Variants in SLC16A7 observed in about 807,000 individuals in gnomAD.
SLC16A7 encodes solute carrier family 16 member 7.
Under a neutral mutation model 34.9 loss-of-function variants are expected in SLC16A7, and 33 were observed. The ratio of observed to expected loss-of-function variants is 0.94; its 90% CI spans 0.72 to 1.26. The LOEUF (loss-of-function observed/expected upper bound fraction) is 1.26. Among genes scored for constraint, SLC16A7 ranks in the 50% most tolerant of loss-of-function variants. The pLI, the probability that SLC16A7 is intolerant of heterozygous loss-of-function variation, is 0.00. For synonymous variants in SLC16A7, 201 were observed against 206.6 expected, an observed-to-expected ratio of 0.97 and a Z score of 0.23; for missense variants, 573 against 578.1, an observed-to-expected ratio of 0.99 and a Z score of 0.09.
intron 2 of SLC16A7, among the ~76,000 whole-genome samples, chr12:59,677,442 T>G (rs1870402321): frequency 6.6e-6 from 1 of 152,228 alleles, no homozygotes; most frequent in Non-Finnish European, 1.5e-5. Context: ...TTCTTTTACC[T>G]AAAACTTGTC....
At chr12:59,731,704 C>T (rs1876970916) in intron 3 of SLC16A7, among the ~76,000 whole-genome samples, 1 of 151,338 alleles carries the variant, frequency 6.6e-6, no homozygotes, top group Admixed American at 6.6e-5. Flanking sequence ...GGATCTTCCA[C>T]ATAGAGCTCA....
At chr12:59,770,087 T>C (rs1882076728) in intron 3 of SLC16A7, among the ~76,000 whole-genome samples, 1 of 152,116 alleles carries the variant, frequency 6.6e-6, no homozygotes, top group African/African-American at 2.4e-5. Flanking sequence ...ACACAGTTTC[T>C]TAACATTTAG....
chr12:59,607,271 T>G (rs761186949), intron 1 of SLC16A7, among the ~76,000 whole-genome samples: 2 of 152,182 alleles, frequency 1.3e-5, no homozygotes, highest in Non-Finnish European at 2.9e-5. Flanking sequence ...AGCTGAGAGA[T>G]GGATAGTCTT....
chr12:59,629,927 T>A (rs1292902005), intron 1 of SLC16A7, among the ~76,000 whole-genome samples: 4 of 151,942 alleles, frequency 2.6e-5, no homozygotes, highest in Non-Finnish European at 1.5e-5. Flanking sequence ...TCTTGCCCTT[T>A]AAATTTTGTA....
chr12:59,679,153 G>C (rs1476085264), intron 2 of SLC16A7, among the ~76,000 whole-genome samples: 1 of 152,156 alleles, frequency 6.6e-6, no homozygotes, highest in East Asian at 1.9e-4. Flanking sequence ...GGTGGTTGCA[G>C]CTGCACCCAG....
intron 2 of SLC16A7, among the ~76,000 whole-genome samples, chr12:59,689,038 T>C (rs891388088): frequency 2.6e-5 from 4 of 152,014 alleles, no homozygotes; most frequent in African/African-American, 9.7e-5. Context: ...TTTTTTGACA[T>C]GTGTCTTTTA....
At chr12:59,687,402 A>G (rs1252738721) in intron 2 of SLC16A7, among the ~76,000 whole-genome samples, 1 of 152,046 alleles carries the variant, frequency 6.6e-6, no homozygotes, top group East Asian at 1.9e-4. Flanking sequence ...CAGAGCCCCA[A>G]ATACATTGTG....
At chr12:59,722,558 C>A (rs1216777876) in intron 3 of SLC16A7, among the ~76,000 whole-genome samples, 1 of 151,888 alleles carries the variant, frequency 6.6e-6, no homozygotes, top group African/African-American at 2.4e-5. Context: ...TCTGCTTTAG[C>A]TATACTATCT....
chr12:59,659,147 T>C (rs1252845277), intron 2 of SLC16A7, among the ~76,000 whole-genome samples: 1 of 152,066 alleles, frequency 6.6e-6, no homozygotes, highest in African/African-American at 2.4e-5. Context: ...ATGACATTGC[T>C]AATACTACTT....
chr12:59,776,517 G>A (rs1420409893), intron 5 of SLC16A7, among the ~76,000 whole-genome samples: 1 of 152,062 alleles, frequency 6.6e-6, no homozygotes, highest in Non-Finnish European at 1.5e-5. Flanking sequence ...TTAGACTCTT[G>A]GCCTGCTCTC....
intron 3 of SLC16A7, among the ~76,000 whole-genome samples, chr12:59,725,190 C>T (rs1876093397): frequency 6.6e-6 from 1 of 151,930 alleles, no homozygotes; most frequent in Non-Finnish European, 1.5e-5. Context: ...TATGGTTTGT[C>T]GTTAAACAGC....
Position 59,732,398 on chromosome 12 carries a change from C to A in SLC16A7, c.217+27380C>A, listed in dbSNP as rs372592044. ...TCGCGCCACTGCACTCCAGCCTGGG[C>A]GACAAGAGCAAAACTCCGTCTCAAG... On this transcript the variant is annotated intron_variant, in intron 3 of 5. Transcript: ENST00000547379. 3.3e-4 allele frequency among the ~76,000 whole-genome samples: 50 copies of A among 152,098 alleles called. No homozygotes were observed. The South Asian group carries it at 9.8e-3, about 30-fold the overall frequency.
chr12:59,667,532 C>T (rs1402668217), intron 2 of SLC16A7, among the ~76,000 whole-genome samples: 1 of 152,120 alleles, frequency 6.6e-6, no homozygotes, highest in Non-Finnish European at 1.5e-5. Flanking sequence ...GCCTTAGAGA[C>T]CTGTGGAACT....
At chr12:59,767,614 C>T (rs573944435) in intron 3 of SLC16A7, among the ~76,000 whole-genome samples, 179 of 152,090 alleles carry the variant, frequency 1.2e-3, no homozygotes, top group East Asian at 1.9e-3. Flanking sequence ...TTGTTTACAG[C>T]GTAGTTTGCT....
At chr12:59,646,709 C>G (rs1379949529) in intron 1 of SLC16A7, among the ~76,000 whole-genome samples, 3 of 152,088 alleles carry the variant, frequency 2.0e-5, no homozygotes, top group Non-Finnish European at 2.9e-5. Flanking sequence ...GCATTGTGCA[C>G]CTGGAAAAGC....
intron 2 of SLC16A7, among the ~76,000 whole-genome samples, chr12:59,686,385 C>T (rs1565648604): frequency 1.3e-5 from 2 of 151,926 alleles, no homozygotes; most frequent in Admixed American, 6.6e-5. Context: ...GTATTATTAT[C>T]GCTTGGCCAA....
intron 3 of SLC16A7, among the ~76,000 whole-genome samples, chr12:59,737,271 C>A (rs1044380377): frequency 1.3e-5 from 2 of 152,184 alleles, no homozygotes; most frequent in African/African-American, 4.8e-5. Flanking sequence ...AAAGAGGCTA[C>A]TCATTATCTT....
intron 1 of SLC16A7, among the ~76,000 whole-genome samples, chr12:59,635,852 G>A (rs185716152): frequency 2.0e-5 from 3 of 151,736 alleles, no homozygotes; most frequent in South Asian, 4.2e-4. Context: ...CCCTGTTCTC[G>A]GTTCTTTATG....
At chr12:59,665,775 C>T (rs1190255804) in intron 2 of SLC16A7, among the ~76,000 whole-genome samples, 1 of 150,114 alleles carries the variant, frequency 6.7e-6, no homozygotes, top group Non-Finnish European at 1.5e-5. Flanking sequence ...ATATATGTAA[C>T]TTTTATATAC....
Sources: gnomAD v4.1 joint callset for allele counts (sites outside exome capture counted in the v4.1 genomes callset) on GRCh38, gnomAD v4.1.1 for gene constraint, MANE v1.5 for transcripts, NCBI Gene and HGNC (gene_info 2026-07-23, HGNC 2026-07-21) for gene names.